Variants in TPTE2 observed in about 807,000 individuals in gnomAD.
TPTE2 encodes phosphatidylinositol 3,4,5-trisphosphate 3-phosphatase TPTE2.
TPTE2 carries 53 observed loss-of-function variants against 78.6 expected under a neutral mutation model. The observed-to-expected ratio is 0.67, with a 90% CI of 0.54 to 0.85. The LOEUF is 0.85. Among genes scored for constraint, TPTE2 ranks in the 40% least tolerant of loss-of-function variants. The pLI, the probability that TPTE2 is intolerant of heterozygous loss-of-function variation, is 0.00. For synonymous variants in TPTE2, 175 were observed against 206.2 expected, an observed-to-expected ratio of 0.85 and a Z score of 1.30; for missense variants, 461 against 623.0, an observed-to-expected ratio of 0.74 and a Z score of 2.77.
At chr13:19,432,947 A>C (rs1186656944) in intron 15 of TPTE2, among the ~76,000 whole-genome samples, 2 of 152,182 alleles carry the variant, frequency 1.3e-5, no homozygotes, top group Admixed American at 6.5e-5. Context: ...GGTGAAGAGC[A>C]GCTTCCTGGA....
intron 1 of TPTE2, among the ~76,000 whole-genome samples, chr13:19,519,680 G>C (rs1214977397): frequency 6.6e-6 from 1 of 152,100 alleles, no homozygotes. Flanking sequence ...AACCACTATA[G>C]CTTTATAGTA....
chr13:19,451,873 C>G (rs1238370560), intron 10 of TPTE2, among the ~76,000 whole-genome samples: 2 of 147,016 alleles, frequency 1.4e-5, no homozygotes, highest in African/African-American at 5.0e-5. Context: ...AAATGAAAAA[C>G]AAATAGTAGT....
At chr13:19,472,887 G>A (rs752620383) in intron 6 of TPTE2, among the ~76,000 whole-genome samples, 2 of 152,180 alleles carry the variant, frequency 1.3e-5, no homozygotes, top group Non-Finnish European at 2.9e-5. Context: ...CTTGGATATT[G>A]TGATCTAAGC....
intron 10 of TPTE2, among the ~76,000 whole-genome samples, chr13:19,457,942 A>G (rs1192148102): frequency 6.6e-6 from 1 of 152,194 alleles, no homozygotes; most frequent in East Asian, 1.9e-4. Flanking sequence ...CTTGCCTTTA[A>G]GAGGCAAATA....
rs1229980363 is a variant in TPTE2 at position 19,491,372 on chromosome 13, A to C, written c.119+1478T>G. Among the ~76,000 whole-genome samples the C allele has an allele frequency of 2.0e-4, 31 of 152,230 alleles. 1 individual carries two copies. The highest frequency in any genetic ancestry group is 1.4e-3 in the Admixed American group (22 of 15,280). ...TTGCACCAAAAGGAGTAGATTTTCCATAAATATGAAATACATACATATATA... is the reference window on the plus strand; with the variant it reads ...TTGCACCAAAAGGAGTAGATTTTCCCTAAATATGAAATACATACATATATA... On this transcript the variant is annotated intron_variant, in intron 3 of 19. Coordinates refer to ENST00000400230, the Ensembl canonical transcript of TPTE2.
At chr13:19,533,281 A>T (rs2137750711) in intron 1 of TPTE2, among the ~76,000 whole-genome samples, 1 of 152,342 alleles carries the variant, frequency 6.6e-6, no homozygotes, top group South Asian at 2.1e-4. Context: ...GTAGGACTAA[A>T]TACAGAGAAA....
At chr13:19,498,765 A>G (rs1881562006) in intron 1 of TPTE2, among the ~76,000 whole-genome samples, 2 of 152,110 alleles carry the variant, frequency 1.3e-5, no homozygotes, top group Non-Finnish European at 2.9e-5. Flanking sequence ...ACCAGCTAAC[A>G]TCATAATGAC....
chr13:19,455,315 C>G (rs1211789106), intron 10 of TPTE2, among the ~76,000 whole-genome samples: 1 of 152,216 alleles, frequency 6.6e-6, no homozygotes, highest in African/African-American at 2.4e-5. Context: ...AAGGTAGAAT[C>G]ATTCCATCAA....
At chr13:19,493,748 A>T in intron 1 of TPTE2, 2 of 516,276 alleles carry the variant, frequency 3.9e-6, no homozygotes, top group Middle Eastern at 5.7e-4. Context: ...CTTTATTATG[A>T]CCTCAGTCCC....
At chr13:19,450,190 T>C (rs1383048402) in intron 12 of TPTE2, 26 bp from the exon 16 acceptor site, 18 of 1,610,384 alleles carry the variant, frequency 1.1e-5, no homozygotes, top group African/African-American at 4.0e-5. Context: ...AGATTTTTAG[T>C]TAAAATATTT....
At chr13:19,551,289 G>T in the TPTE2 span, among the ~76,000 whole-genome samples, 7 of 152,088 alleles carry the variant, frequency 4.6e-5, no homozygotes, top group Non-Finnish European at 1.0e-4. Flanking sequence ...TATTATTGCA[G>T]GTACAATATG....
At chr13:19,539,424 C>A (rs1871375813), upstream of TPTE2, among the ~76,000 whole-genome samples, 3 of 152,208 alleles carry the variant, frequency 2.0e-5, no homozygotes, top group African/African-American at 7.2e-5. Flanking sequence ...CCTGCACACG[C>A]TCTCTTGCCT....
chr13:19,487,121 T>C (rs1230113904), intron 3 of TPTE2, among the ~76,000 whole-genome samples: 1 of 152,080 alleles, frequency 6.6e-6, no homozygotes, highest in Non-Finnish European at 1.5e-5. Context: ...GGAGTATTTC[T>C]GTGGGGGGTG....
the TPTE2 span, among the ~76,000 whole-genome samples, chr13:19,546,650 C>T: frequency 3.3e-5 from 5 of 151,900 alleles, no homozygotes; most frequent in South Asian, 6.2e-4. Context: ...CCACCACATC[C>T]GGCCAATTTT....
chr13:19,480,195 A>G (rs574102568), intron 4 of TPTE2, among the ~76,000 whole-genome samples: 67 of 152,174 alleles, frequency 4.4e-4, no homozygotes, highest in South Asian at 1.0e-3. Flanking sequence ...TTTCTCTGGT[A>G]CAGACTCTGG....
At chr13:19,517,575 G>C (rs1198364878) in intron 1 of TPTE2, among the ~76,000 whole-genome samples, 1 of 152,168 alleles carries the variant, frequency 6.6e-6, no homozygotes, top group African/African-American at 2.4e-5. Context: ...TAATTCTCCT[G>C]ATGAGGATGA....
At chr13:19,439,790 A>C (rs1391249576) in intron 13 of TPTE2, among the ~76,000 whole-genome samples, 2 of 152,220 alleles carry the variant, frequency 1.3e-5, no homozygotes, top group East Asian at 3.8e-4. Context: ...AAAAAAATTC[A>C]CTTAAGGAAT....
chr13:19,503,826 T>C (rs1487203542), upstream of TPTE2, among the ~76,000 whole-genome samples: 1 of 152,190 alleles, frequency 6.6e-6, no homozygotes, highest in Non-Finnish European at 1.5e-5. Context: ...TGAGGAGTTC[T>C]GCCTCCCGGG....
chr13:19,512,600 A>G (rs1185749394), intron 1 of TPTE2, among the ~76,000 whole-genome samples: 2 of 148,492 alleles, frequency 1.3e-5, no homozygotes, highest in East Asian at 4.0e-4. Flanking sequence ...TTTTTTTGAG[A>G]CAGAGTTTTG....
Sources: gnomAD v4.1 joint callset for allele counts (sites outside exome capture counted in the v4.1 genomes callset) on GRCh38, gnomAD v4.1.1 for gene constraint, MANE v1.5 for transcripts, NCBI Gene and HGNC (gene_info 2026-07-23, HGNC 2026-07-21) for gene names.